Variants in RGS6 observed in about 807,000 individuals in gnomAD.
RGS6 encodes regulator of G protein signaling 6, also known as regulator of G-protein signaling 6.
Under a neutral mutation model 78.5 loss-of-function variants are expected in RGS6, and 30 were observed. That is an observed-to-expected ratio of 0.38 (90% CI 0.29 to 0.52). The LOEUF is 0.52. RGS6 is among the 20% of genes least tolerant of loss of function. The pLI is 0.85. For synonymous variants in RGS6, 206 were observed against 206.0 expected (o/e 1.00, Z 0.00); for missense variants, 495 against 609.7 (o/e 0.81, Z 1.98).
chr14:72,042,153 A>T, intron 2 of RGS6, among the ~76,000 whole-genome samples: 1 of 131,518 alleles, frequency 7.6e-6, no homozygotes. Flanking sequence ...TTTGAGATAG[A>T]GTCTTATTCT....
chr14:72,289,445 G>T (rs1364059799), intron 2 of RGS6, among the ~76,000 whole-genome samples: 1 of 151,708 alleles, frequency 6.6e-6, no homozygotes, highest in Admixed American at 6.6e-5. Context: ...TCCATGAATT[G>T]CCCATTTCAC....
the RGS6 span, among the ~76,000 whole-genome samples, chr14:71,917,294 G>A: frequency 1.3e-5 from 2 of 152,178 alleles, no homozygotes; most frequent in Non-Finnish European, 2.9e-5. Flanking sequence ...CCAGACCTAT[G>A]TTGGGATCGC....
chr14:72,367,766 G>A (rs553704096), intron 3 of RGS6, among the ~76,000 whole-genome samples: 1 of 152,106 alleles, frequency 6.6e-6, no homozygotes, highest in South Asian at 2.1e-4. Flanking sequence ...ACAGTTTGGA[G>A]TCTAGGCTCC....
intron 2 of RGS6, among the ~76,000 whole-genome samples, chr14:72,302,730 A>G (rs1475297278): frequency 2.6e-5 from 4 of 152,042 alleles, no homozygotes; most frequent in Non-Finnish European, 2.9e-5. Flanking sequence ...CAGTGTGTTA[A>G]CTCAGTCCTT....
chr14:71,928,378 T>A, upstream of RGS6, among the ~76,000 whole-genome samples: 1 of 152,182 alleles, frequency 6.6e-6, no homozygotes, highest in East Asian at 1.9e-4. Flanking sequence ...AAGACTACAT[T>A]TAAGAGTGAA....
At chr14:72,080,960 C>CA (rs1567165580) in intron 2 of RGS6, among the ~76,000 whole-genome samples, 1 of 152,068 alleles carries the variant, frequency 6.6e-6, no homozygotes, top group East Asian at 1.9e-4. Context: ...GTGATGTCTC[C>CA]ACCTTTGTTC....
At chr14:71,966,474 G>A (rs1041031123) in intron 2 of RGS6, among the ~76,000 whole-genome samples, 1 of 152,304 alleles carries the variant, frequency 6.6e-6, no homozygotes, top group Middle Eastern at 3.4e-3. Context: ...TTGAGTCATT[G>A]TTACTTTCTT....
chr14:71,969,660 T>C (rs2093696004), intron 2 of RGS6, among the ~76,000 whole-genome samples: 1 of 152,206 alleles, frequency 6.6e-6, no homozygotes. Context: ...GAGATACTTC[T>C]AACACAAAAA....
chr14:72,187,818 A>G (rs1165869557), intron 2 of RGS6, among the ~76,000 whole-genome samples: 1 of 152,206 alleles, frequency 6.6e-6, no homozygotes, highest in Non-Finnish European at 1.5e-5. Context: ...CTACTTGCTA[A>G]AATGTCTTCG....
chr14:71,877,274 C>T, the RGS6 span, among the ~76,000 whole-genome samples: 1 of 152,190 alleles, frequency 6.6e-6, no homozygotes. Context: ...GAGTGTTTTC[C>T]AACTTGTTTC....
chr14:72,256,044 G>A (rs2057007938), intron 2 of RGS6, among the ~76,000 whole-genome samples: 1 of 152,178 alleles, frequency 6.6e-6, no homozygotes, highest in Admixed American at 6.5e-5. Flanking sequence ...CTTCTTGCCT[G>A]CTGCACAGAC....
intron 3 of RGS6, among the ~76,000 whole-genome samples, chr14:72,367,578 A>G (rs1437790549): frequency 1.3e-5 from 2 of 152,154 alleles, no homozygotes; most frequent in Non-Finnish European, 2.9e-5. Context: ...TCCTTATGAA[A>G]TTTTCTTGCA....
chr14:72,454,260 A>G (rs1476370659), intron 3 of RGS6, among the ~76,000 whole-genome samples: 1 of 152,172 alleles, frequency 6.6e-6, no homozygotes, highest in Admixed American at 6.5e-5. Flanking sequence ...GTCTCAGGGA[A>G]GTCCTCTATA....
At chr14:72,490,480 T>A (rs2153401207) in intron 12 of RGS6, among the ~76,000 whole-genome samples, 1 of 152,280 alleles carries the variant, frequency 6.6e-6, no homozygotes, top group South Asian at 2.1e-4. Flanking sequence ...TTGCAGGAGA[T>A]TTATAGGACA....
the RGS6 span, among the ~76,000 whole-genome samples, chr14:72,589,419 A>G: frequency 6.6e-6 from 1 of 152,278 alleles, no homozygotes; most frequent in Admixed American, 6.5e-5. Flanking sequence ...GCATGGTGGC[A>G]CACACCTGTA....
At chr14:72,362,409 C>G (rs73308869) in intron 3 of RGS6, among the ~76,000 whole-genome samples, 2,938 of 152,258 alleles carry the variant, frequency 0.019, 34 homozygotes, top group Middle Eastern at 0.034. Context: ...TTTATTGTTT[C>G]TTATGATTAT....
At chr14:72,254,565 CTTAAA>C (rs1287055591) in intron 2 of RGS6, among the ~76,000 whole-genome samples, 7 of 152,080 alleles carry the variant, frequency 4.6e-5, no homozygotes, top group Non-Finnish European at 1.0e-4. Flanking sequence ...GAACAGCAGC[CTTAAA>C]TTATTGTCCA....
At chr14:71,973,163 T>C (rs2093915677) in intron 2 of RGS6, among the ~76,000 whole-genome samples, 1 of 152,294 alleles carries the variant, frequency 6.6e-6, no homozygotes, top group Admixed American at 6.5e-5. Flanking sequence ...CTCTAAAGCA[T>C]TTTTTTAGAT....
chr14:72,536,044 T>G, intron 15 of RGS6, 142 bp from the exon 16 acceptor site: 1 of 648,822 alleles, frequency 1.5e-6, no homozygotes, highest in Non-Finnish European at 2.8e-6. Context: ...GGATGGAACA[T>G]GTTGCAAGTT....
Sources: allele counts gnomAD v4.1 joint callset (sites outside exome capture counted in the v4.1 genomes callset), GRCh38; gene constraint gnomAD v4.1.1; transcripts MANE v1.5; gene names NCBI Gene and HGNC (gene_info 2026-07-23, HGNC 2026-07-21).